Variants in SERINC1 observed in about 807,000 individuals in gnomAD.
SERINC1 encodes tumor differentially expressed protein 2.
SERINC1 carries 38 observed loss-of-function variants against 52.9 expected under a neutral mutation model. The ratio of observed to expected loss-of-function variants is 0.72; its 90% CI spans 0.55 to 0.94. The LOEUF is 0.94. SERINC1 is among the 40% of genes least tolerant of loss of function. SERINC1 has a pLI of 0.00. For synonymous variants in SERINC1, 198 were observed against 183.1 expected, an observed-to-expected ratio of 1.08 and a Z score of -0.66; for missense variants, 471 against 533.9, an observed-to-expected ratio of 0.88 and a Z score of 1.16.
chr6:122,464,570 A>G (rs377057193), intron 1 of SERINC1, among the ~76,000 whole-genome samples: 429 of 152,328 alleles, frequency 2.8e-3, no homozygotes, highest in African/African-American at 9.8e-3. Context: ...CGAAAGAGAA[A>G]TAACTACAAA....
chr6:122,456,436 A>C, intron 3 of SERINC1, 45 bp downstream of exon 3: 1 of 1,249,312 alleles, frequency 8.0e-7, no homozygotes, highest in Non-Finnish European at 1.1e-6. Context: ...ATTATCAAGA[A>C]GAGGCTACCC....
intron 7 of SERINC1, among the ~76,000 whole-genome samples, chr6:122,448,513 C>T (rs1774846970): frequency 6.6e-6 from 1 of 151,942 alleles, no homozygotes; most frequent in Non-Finnish European, 1.5e-5. Context: ...CTCCTTTCAA[C>T]ATATGTTTCT....
chr6:122,453,006 G>A (rs778980604), intron 5 of SERINC1, among the ~76,000 whole-genome samples: 2 of 152,084 alleles, frequency 1.3e-5, no homozygotes, highest in Non-Finnish European at 2.9e-5. Flanking sequence ...GACTTCTTTT[G>A]AAAAACATTA....
intron 1 of SERINC1, among the ~76,000 whole-genome samples, chr6:122,464,148 A>G (rs1775149625): frequency 6.6e-6 from 1 of 152,196 alleles, no homozygotes; most frequent in South Asian, 2.1e-4. Context: ...AGGACAGGAC[A>G]GTGCAATTTT....
Position 122,452,007 on chromosome 6 carries a change from C to T in SERINC1, c.640G>A (p.Val214Ile), listed in dbSNP as rs754136758. The T allele has an allele frequency of 6.8e-5, 107 of 1,584,170 alleles. 1 individual carries two copies. Among genetic ancestry groups the T allele is most frequent in the South Asian group, 6.0e-4 (52 of 87,380 alleles). The stretch of plus-strand genomic sequence containing the variant: ...TGAGTGTAGTAGACAAAGAACAGGA[C>T]GATAGCAACTAAAGACAGCAGATAA... The part of the protein sequence containing the change: ...LNYLLSLVAI[V>I]LFFVYYTHPA... The change falls in exon 6 of 10, where the codon GTC becomes ATC. Residue 214 changes from valine to isoleucine, a missense_variant. Transcript: ENST00000339697.
chr6:122,461,865 C>A (rs112802693), intron 1 of SERINC1, among the ~76,000 whole-genome samples: 1,895 of 151,990 alleles, frequency 0.012, 44 homozygotes, highest in African/African-American at 0.044. Flanking sequence ...GAGACATATT[C>A]TTCTTATTTA....
intron 5 of SERINC1, among the ~76,000 whole-genome samples, chr6:122,452,371 C>G (rs55920133): frequency 6.6e-6 from 1 of 151,794 alleles, no homozygotes; most frequent in African/African-American, 2.4e-5. Flanking sequence ...CCATTATTTT[C>G]AAAATAAAGA....
At chr6:122,451,264 T>TAA (rs1261654998) in intron 7 of SERINC1, among the ~76,000 whole-genome samples, 1 of 152,230 alleles carries the variant, frequency 6.6e-6, no homozygotes, top group Non-Finnish European at 1.5e-5. Flanking sequence ...AAGGCTCAGA[T>TAA]GACTGTTAGC....
In SERINC1 at chr6:122,451,967, GAAC is replaced by G. The variant is rs774365541; in HGVS notation, c.677_679del (p.Cys226del). 1 of 1,599,056 alleles carries G rather than the reference GAAC, an allele frequency of 6.3e-7. No individual in the cohort carries two copies. The highest frequency in any genetic ancestry group is 1.1e-5 in the South Asian group (1 of 89,450). On this transcript the variant is annotated inframe_deletion, in exon 6 of 10. Transcript: ENST00000339697. ...GACACTGATGAACGCCTTGTTTTCTGAACAACTGGCTGGATGAGTGTAGTAGAC... is the reference window on the plus strand; with the variant it reads ...GACACTGATGAACGCCTTGTTTTCTGAACTGGCTGGATGAGTGTAGTAGAC...
At chr6:122,469,411 C>G (rs1376481371) in intron 1 of SERINC1, among the ~76,000 whole-genome samples, 4 of 148,368 alleles carry the variant, frequency 2.7e-5, no homozygotes, top group East Asian at 2.0e-4. Flanking sequence ...GAGTCTCACT[C>G]TGTTGCCCAG....
intron 7 of SERINC1, among the ~76,000 whole-genome samples, chr6:122,448,594 G>T (rs1313922346): frequency 2.6e-5 from 4 of 152,024 alleles, no homozygotes; most frequent in African/African-American, 9.7e-5. Flanking sequence ...AAATTCAATT[G>T]TAAGGTAGTC....
At position 122,458,675 on chromosome 6, in the gene SERINC1, A is replaced by G. The variant is rs1775045337; in HGVS notation, c.46T>C (p.Cys16Arg). 6.3e-7 allele frequency: 1 copy of G among 1,593,796 alleles called. No homozygotes were observed. The highest frequency in any genetic ancestry group is 8.6e-7 in the Non-Finnish European group (1 of 1,167,580). Residue 16 changes from cysteine to arginine, a missense_variant, in exon 2 of 10, where the codon TGT becomes CGT. Coordinates refer to ENST00000339697, the MANE Select transcript of SERINC1 (RefSeq NM_020755.4). ...AAACACGGGGCACTTCCACACAAACATGGTATCTGGGAAAAAGAATATTAT... is the reference window on the plus strand; with the variant it reads ...AAACACGGGGCACTTCCACACAAACGTGGTATCTGGGAAAAAGAATATTAT... ...GLCSMASWIP[C>R]LCGSAPCLLC...
chr6:122,445,987 G>C (rs1362639272), intron 9 of SERINC1, among the ~76,000 whole-genome samples: 2 of 150,834 alleles, frequency 1.3e-5, no homozygotes, highest in Non-Finnish European at 3.0e-5. Context: ...ATCAGTAAAG[G>C]CTGCACTCAA....
chr6:122,447,774 C>T (rs547883200), intron 7 of SERINC1, among the ~76,000 whole-genome samples: 61 of 152,200 alleles, frequency 4.0e-4, no homozygotes, highest in Admixed American at 6.5e-4. Flanking sequence ...GGAAATTACC[C>T]AATAAAGTAT....
chr6:122,460,172 A>G (rs1775076374), intron 1 of SERINC1, among the ~76,000 whole-genome samples: 1 of 152,132 alleles, frequency 6.6e-6, no homozygotes, highest in South Asian at 2.1e-4. Context: ...CTCCGGGTTC[A>G]AGGGATTTTC....
intron 1 of SERINC1, among the ~76,000 whole-genome samples, chr6:122,467,803 AT>A (rs1296019237): frequency 6.6e-6 from 1 of 152,346 alleles, no homozygotes; most frequent in African/African-American, 2.4e-5. Flanking sequence ...ATTATTTAGT[AT>A]TATGGAAAGC....
intron 7 of SERINC1, among the ~76,000 whole-genome samples, chr6:122,450,786 G>A (rs946070147): frequency 5.3e-5 from 8 of 152,066 alleles, no homozygotes; most frequent in African/African-American, 1.7e-4. Context: ...CTACAGATAC[G>A]GTGGAAAGAG....
Position 122,446,941 on chromosome 6 carries a change from T to G in SERINC1, c.1059A>C (p.Leu353Phe), listed in dbSNP as rs1042804586. ...CACTTCTAGCTCCACCATCTTCTAT[T>G]AATGTAGATTCATCACTTGTTAGAG... ...KLTLTSDEST[L>F]IEDGGARSDG... The change falls in exon 9 of 10, where the codon TTA becomes TTC. Residue 353 changes from leucine (L) to phenylalanine (F), a missense_variant. By Grantham distance (22) the Leu-to-Phe change is conservative. Coordinates refer to ENST00000339697, the MANE Select transcript of SERINC1 (RefSeq NM_020755.4). 1 of 1,613,580 alleles carries G rather than the reference T, an allele frequency of 6.2e-7. No individual in the cohort carries two copies. The highest frequency in any genetic ancestry group is 1.7e-5 in the Admixed American group (1 of 60,026).
intron 7 of SERINC1, among the ~76,000 whole-genome samples, chr6:122,448,259 C>T (rs1163284537): frequency 1.3e-5 from 2 of 152,080 alleles, no homozygotes; most frequent in African/African-American, 2.4e-5. Context: ...ATTTCCTTCT[C>T]TAAAGCAAAC....
Sources: allele counts gnomAD v4.1 joint callset (sites outside exome capture counted in the v4.1 genomes callset), GRCh38; gene constraint gnomAD v4.1.1; transcripts MANE v1.5; gene names NCBI Gene and HGNC (gene_info 2026-07-23, HGNC 2026-07-21).